TENM2: variants seen among roughly 807,000 people sequenced by gnomAD.
The protein encoded by TENM2 is teneurin-2.
Under a neutral mutation model 245.2 loss-of-function variants are expected in TENM2, and 52 were observed. The ratio of observed to expected loss-of-function variants is 0.21; its 90% CI spans 0.17 to 0.27. The LOEUF (loss-of-function observed/expected upper bound fraction) is 0.27, where lower values mean the gene tolerates loss of function less well. TENM2 is among the 10% of genes least tolerant of loss of function. The probability of loss-of-function intolerance (pLI) is 1.00; values close to 1 mark genes in which losing one functional copy is unlikely to be tolerated. For synonymous variants in TENM2, 1,363 were observed against 1,438.9 expected, an observed-to-expected ratio of 0.95 and a Z score of 1.19; for missense variants, 3,046 against 3,666.8, an observed-to-expected ratio of 0.83 and a Z score of 4.37.
At chr5:167,630,044 C>T (rs572604290) in intron 2 of TENM2, among the ~76,000 whole-genome samples, 1 of 152,172 alleles carries the variant, frequency 6.6e-6, no homozygotes, top group Admixed American at 6.5e-5. Flanking sequence ...AGTACCAAAC[C>T]CTATATGTAC....
intron 13 of TENM2, among the ~76,000 whole-genome samples, chr5:168,181,425 C>T (rs1412748537): frequency 6.6e-6 from 1 of 152,136 alleles, no homozygotes; most frequent in Non-Finnish European, 1.5e-5. Flanking sequence ...TGCTTTTTTT[C>T]CCACATCCAT....
chr5:167,084,915 A>G, the TENM2 span, among the ~76,000 whole-genome samples: 1 of 152,204 alleles, frequency 6.6e-6, no homozygotes, highest in Non-Finnish European at 1.5e-5. Flanking sequence ...TAAGGCTGTT[A>G]TTCATGTTAC....
At chr5:167,401,233 G>A (rs1188288484) in intron 2 of TENM2, among the ~76,000 whole-genome samples, 1 of 152,038 alleles carries the variant, frequency 6.6e-6, no homozygotes, top group South Asian at 2.1e-4. Context: ...ACAATCGAAC[G>A]GTGTCTGTCC....
chr5:167,114,600 C>G, the TENM2 span, among the ~76,000 whole-genome samples: 1 of 152,214 alleles, frequency 6.6e-6, no homozygotes. Context: ...CTCATTAAAT[C>G]TTCCTTTGCT....
intron 1 of TENM2, among the ~76,000 whole-genome samples, chr5:167,302,786 T>C (rs1317545025): frequency 6.6e-6 from 1 of 152,054 alleles, no homozygotes; most frequent in Admixed American, 6.6e-5. Context: ...GTTGTGGTTC[T>C]TGCCCCTCCC....
At chr5:167,115,977 G>A in the TENM2 span, among the ~76,000 whole-genome samples, 1 of 152,166 alleles carries the variant, frequency 6.6e-6, no homozygotes, top group African/African-American at 2.4e-5. Context: ...CACCTAATAG[G>A]ACTGTTGTGA....
rs544197103 is a variant in TENM2, at chr5:168,157,500, GT to G, written c.2423-5110del. On this transcript the variant is annotated intron_variant, in intron 12 of 28. Transcript: ENST00000518659. ...AAAGATGAGGGTGGCTGGGGTTAAT[GT>G]GGTGGCAGTAGGGGTGGAAGTAGAG... 8.0e-4 allele frequency among the ~76,000 whole-genome samples: 122 copies of G among 152,300 alleles called. 1 individual carries two copies. The highest frequency in any genetic ancestry group is 1.6e-3 in the Non-Finnish European group (108 of 68,026).
chr5:167,383,727 A>AT (rs1491230823), intron 2 of TENM2, among the ~76,000 whole-genome samples: 2 of 84,154 alleles, frequency 2.4e-5, no homozygotes, highest in Non-Finnish European at 4.4e-5. Context: ...CTGGTGCAGG[A>AT]TAAAAAAAAA....
At chr5:167,233,725 T>C in the TENM2 span, among the ~76,000 whole-genome samples, 1 of 152,040 alleles carries the variant, frequency 6.6e-6, no homozygotes, top group African/African-American at 2.4e-5. Flanking sequence ...TTAGAAAGAG[T>C]TGTTTTTATA....
At chr5:167,746,328 A>T (rs1057214117) in intron 2 of TENM2, among the ~76,000 whole-genome samples, 6 of 152,168 alleles carry the variant, frequency 3.9e-5, no homozygotes, top group Admixed American at 3.3e-4. Flanking sequence ...ATGTACAAAT[A>T]TTCTCTTCGA....
intron 2 of TENM2, among the ~76,000 whole-genome samples, chr5:167,761,415 C>T (rs1762656706): frequency 6.6e-6 from 1 of 151,830 alleles, no homozygotes; most frequent in Admixed American, 6.6e-5. Flanking sequence ...AACAAGTGTC[C>T]CAAAGAGGCC....
At chr5:167,383,161 G>T (rs941204266) in intron 2 of TENM2, among the ~76,000 whole-genome samples, 1 of 152,078 alleles carries the variant, frequency 6.6e-6, no homozygotes, top group Non-Finnish European at 1.5e-5. Context: ...GAAGAGGGAT[G>T]TTATTGAGAG....
At chr5:167,724,944 A>C (rs963708530) in intron 2 of TENM2, among the ~76,000 whole-genome samples, 3 of 151,840 alleles carry the variant, frequency 2.0e-5, no homozygotes, top group Admixed American at 6.6e-5. Context: ...TCATCTTACC[A>C]CTCTTCCTGG....
chr5:167,052,055 A>G, the TENM2 span, among the ~76,000 whole-genome samples: 1 of 152,190 alleles, frequency 6.6e-6, no homozygotes, highest in East Asian at 1.9e-4. Context: ...ACTGACAGGT[A>G]AAGCCATTCA....
the TENM2 span, among the ~76,000 whole-genome samples, chr5:167,187,724 A>C: frequency 3.3e-5 from 5 of 152,056 alleles, no homozygotes; most frequent in Non-Finnish European, 7.4e-5. Flanking sequence ...AGTTGAATTG[A>C]AAAGTTAGCA....
chr5:167,864,815 T>C (rs2151307369), intron 2 of TENM2, among the ~76,000 whole-genome samples: 1 of 152,268 alleles, frequency 6.6e-6, no homozygotes, highest in African/African-American at 2.4e-5. Context: ...AATACAATAA[T>C]ATATGTAAAG....
chr5:167,027,619 A>G, the TENM2 span, among the ~76,000 whole-genome samples: 50 of 152,318 alleles, frequency 3.3e-4, no homozygotes, highest in African/African-American at 1.1e-3. Context: ...CAAACTAGAA[A>G]TATATTTATT....
the TENM2 span, among the ~76,000 whole-genome samples, chr5:167,240,620 A>G: frequency 0.089 from 13,323 of 149,410 alleles, 727 homozygotes; most frequent in East Asian, 0.18. Context: ...CTGGGCAGCC[A>G]GGTCCTTTTC....
intron 14 of TENM2, among the ~76,000 whole-genome samples, chr5:168,191,353 G>T (rs1760939099): frequency 6.6e-6 from 1 of 152,174 alleles, no homozygotes; most frequent in African/African-American, 2.4e-5. Context: ...GATTCTGAGG[G>T]TAGAGAGGAG....
Sources: gnomAD v4.1 joint callset for allele counts (sites outside exome capture counted in the v4.1 genomes callset) on GRCh38, gnomAD v4.1.1 for gene constraint, MANE v1.5 for transcripts, NCBI Gene and HGNC (gene_info 2026-07-23, HGNC 2026-07-21) for gene names.